PCDHA5: variants seen among roughly 807,000 people sequenced by gnomAD.
PCDHA5 encodes the protein protocadherin alpha-5.
PCDHA5 carries 43 observed loss-of-function variants against 61.6 expected under a neutral mutation model. That is an observed-to-expected ratio of 0.70 (90% CI 0.55 to 0.90). The LOEUF (loss-of-function observed/expected upper bound fraction) is 0.90, where lower values mean the gene tolerates loss of function less well. Ranked by LOEUF, PCDHA5 falls within the 40% of genes least tolerant of loss-of-function variation. PCDHA5 has a pLI of 0.00. For missense variants in PCDHA5, 1,298 were observed against 1,222.7 expected (o/e 1.06, Z -0.92); for synonymous variants, 627 against 543.9 (o/e 1.15, Z -2.13).
intron 1 of PCDHA5, among the ~76,000 whole-genome samples, chr5:140,962,617 G>A (rs189225320): frequency 3.8e-4 from 58 of 152,276 alleles, no homozygotes; most frequent in Non-Finnish European, 1.9e-4. Context: ...GAGGAAGGGA[G>A]ATGTGAAAAA....
chr5:140,915,389 G>T (rs1382922139), intron 1 of PCDHA5, among the ~76,000 whole-genome samples: 5 of 152,078 alleles, frequency 3.3e-5, no homozygotes, highest in African/African-American at 4.8e-5. Context: ...TGAAGAGCTA[G>T]GTATTTCTTA....
At chr5:141,008,425 A>G (rs1195605563) in intron 3 of PCDHA5, among the ~76,000 whole-genome samples, 2 of 152,172 alleles carry the variant, frequency 1.3e-5, no homozygotes, top group East Asian at 1.9e-4. Context: ...CACTGGGATC[A>G]CTTTGCCCAG....
intron 1 of PCDHA5, chr5:140,834,522 C>G: frequency 6.2e-7 from 1 of 1,614,068 alleles, no homozygotes; most frequent in Non-Finnish European, 8.5e-7. Context: ...CTTCGTGGGC[C>G]GCATCGCGCA....
At chr5:140,888,260 A>G (rs563968634) in intron 1 of PCDHA5, among the ~76,000 whole-genome samples, 1 of 152,194 alleles carries the variant, frequency 6.6e-6, no homozygotes, top group South Asian at 2.1e-4. Flanking sequence ...GTAGTTCTTG[A>G]TAAGAAACAG....
chr5:140,824,302 G>A (rs1254375286), intron 1 of PCDHA5, 175 bp downstream of exon 1: 3 of 834,792 alleles, frequency 3.6e-6, no homozygotes, highest in East Asian at 2.5e-5. Flanking sequence ...TTCTGCTGGG[G>A]TAATAGATTC....
chr5:140,881,414 A>G, intron 1 of PCDHA5: 1 of 936,538 alleles, frequency 1.1e-6, no homozygotes, highest in African/African-American at 1.8e-5. Flanking sequence ...TCAATAGGAT[A>G]TTAGTTCCAG....
intron 1 of PCDHA5, among the ~76,000 whole-genome samples, chr5:140,880,869 G>C (rs1017640769): frequency 6.6e-6 from 1 of 152,064 alleles, no homozygotes. Context: ...TATGTGAAGA[G>C]GTAAATAAAG....
chr5:140,947,146 A>G (rs1253300651), intron 1 of PCDHA5, among the ~76,000 whole-genome samples: 2 of 151,546 alleles, frequency 1.3e-5, no homozygotes, highest in Non-Finnish European at 1.5e-5. Context: ...ATGTATAGTT[A>G]CTTCCACGGG....
At chr5:140,834,349 T>A in intron 1 of PCDHA5, 2 of 1,534,320 alleles carry the variant, frequency 1.3e-6, no homozygotes, top group Non-Finnish European at 1.8e-6. Flanking sequence ...CGAAGGCAAG[T>A]TTTGCTGACT....
intron 1 of PCDHA5, chr5:140,882,793 C>T (rs1176435531): frequency 1.9e-6 from 3 of 1,614,210 alleles, no homozygotes; most frequent in Non-Finnish European, 2.5e-6. Context: ...TGGATCCCAA[C>T]GATTATTTCA....
At chr5:140,993,509 CGG>C (rs2097568014) in intron 3 of PCDHA5, among the ~76,000 whole-genome samples, 2 of 143,600 alleles carry the variant, frequency 1.4e-5, no homozygotes, top group South Asian at 4.6e-4. Context: ...CACACACACA[CGG>C]GGAGAGAGAG....
chr5:140,931,649 G>A (rs2087653878), intron 1 of PCDHA5, among the ~76,000 whole-genome samples: 1 of 151,904 alleles, frequency 6.6e-6, no homozygotes, highest in African/African-American at 2.4e-5. Context: ...GCTAATAATT[G>A]TTGTGGGCTG....
chr5:140,859,141 A>T (rs1275943443), intron 1 of PCDHA5: 1 of 150,200 alleles, frequency 6.7e-6, no homozygotes, highest in African/African-American at 2.4e-5. Context: ...ACATAATTTT[A>T]TCCAGTAGCT....
At position 140,951,793 on chromosome 5, in the gene PCDHA5, C is replaced by T. The variant is rs536005204; in HGVS notation, c.2353-27156C>T. 5.3e-5 allele frequency among the ~76,000 whole-genome samples: 8 copies of T among 152,244 alleles called. No homozygotes were observed. The South Asian group carries it at 1.7e-3, about 32-fold the overall frequency. On this transcript the variant is annotated intron_variant, in intron 1 of 3. Coordinates refer to ENST00000529859, the MANE Select transcript of PCDHA5 (RefSeq NM_018908.3). ...TTCTTACATTGCAAAATACAATTAT[C>T]CCTTCCCAATGGTCCCTCAAAGTCT...
rs782537122 is a variant in PCDHA5 at position 140,875,892 on chromosome 5, A to G, written c.2352+51765A>G. On this transcript the variant is annotated intron_variant, in intron 1 of 3. Coordinates refer to ENST00000529859, the MANE Select transcript of PCDHA5 (RefSeq NM_018908.3). ...TGTTCAGAGAAAGGGAACAAAAGGTACCTGTTTCTGAATCTGCGCCTCTGG... is the reference window on the plus strand; with the variant it reads ...TGTTCAGAGAAAGGGAACAAAAGGTGCCTGTTTCTGAATCTGCGCCTCTGG... 9 of 1,614,044 alleles carry G rather than the reference A, an allele frequency of 5.6e-6. No homozygotes were observed. The African/African-American group carries it at 1.2e-4, about 22-fold the overall frequency.
chr5:140,926,370 A>G (rs1268539055), intron 1 of PCDHA5: 1 of 152,298 alleles, frequency 6.6e-6, no homozygotes, highest in African/African-American at 2.4e-5. Flanking sequence ...GGCGGCAGGA[A>G]GAGCCCAGCT....
chr5:140,972,512 C>T (rs1586536091), intron 1 of PCDHA5, among the ~76,000 whole-genome samples: 1 of 152,018 alleles, frequency 6.6e-6, no homozygotes, highest in Non-Finnish European at 1.5e-5. Context: ...GATTTTACCC[C>T]CAGTGAGCTT....
chr5:140,993,177 C>A lies in PCDHA5; in HGVS notation c.2500+10614C>A, dbSNP rs551395516. ...CTAAATATTTGCCTTTGGGAAATTTCTTTAGAGGGAAACTCACTAAAGCTA... is the reference window on the plus strand; with the variant it reads ...CTAAATATTTGCCTTTGGGAAATTTATTTAGAGGGAAACTCACTAAAGCTA... On this transcript the variant is annotated intron_variant, in intron 3 of 3. Transcript: ENST00000529859. 6.6e-5 allele frequency among the ~76,000 whole-genome samples: 10 copies of A among 152,258 alleles called. No homozygotes were observed. In the East Asian group the frequency reaches 1.9e-3, roughly 29 times the overall value.
chr5:140,906,985 G>A (rs1418384427), intron 1 of PCDHA5, among the ~76,000 whole-genome samples: 1 of 152,170 alleles, frequency 6.6e-6, no homozygotes, highest in East Asian at 1.9e-4. Context: ...TCTGGTGGCA[G>A]CATTCCTCCC....
Sources: gnomAD v4.1 joint callset for allele counts (sites outside exome capture counted in the v4.1 genomes callset) on GRCh38, gnomAD v4.1.1 for gene constraint, MANE v1.5 for transcripts, NCBI Gene and HGNC (gene_info 2026-07-23, HGNC 2026-07-21) for gene names.